Variants in SLC9A3 observed in about 807,000 individuals in gnomAD.
SLC9A3 encodes the protein solute carrier family 9 member A3, also known as sodium/hydrogen exchanger 3.
SLC9A3 carries 37 observed loss-of-function variants against 86.8 expected under a neutral mutation model. The ratio of observed to expected loss-of-function variants is 0.43; its 90% CI spans 0.33 to 0.56. SLC9A3 has a LOEUF of 0.56. Ranked by LOEUF, SLC9A3 falls within the 20% of genes least tolerant of loss-of-function variation. The pLI is 0.06. For synonymous variants in SLC9A3, 581 were observed against 528.3 expected, an observed-to-expected ratio of 1.10 and a Z score of -1.37; for missense variants, 1,011 against 1,171.9, an observed-to-expected ratio of 0.86 and a Z score of 2.00.
chr5:509,971 T>C (rs1329553817), intron 1 of SLC9A3, among the ~76,000 whole-genome samples: 1 of 152,194 alleles, frequency 6.6e-6, no homozygotes. Context: ...CTCAGCTGGC[T>C]TCCCAGGGCC....
chr5:498,550 C>A (rs887756089), intron 1 of SLC9A3, among the ~76,000 whole-genome samples: 1 of 152,172 alleles, frequency 6.6e-6, no homozygotes. Context: ...TACAGGCGTG[C>A]GCCACCATGC....
intron 6 of SLC9A3, 27 bp from the exon 7 acceptor site, chr5:482,777 C>T (rs371429578): frequency 1.5e-5 from 24 of 1,556,310 alleles, no homozygotes; most frequent in African/African-American, 9.5e-5. Context: ...GGGCACTCAG[C>T]TCCCCGGCCG....
In SLC9A3 at chr5:472,151, G is replaced by A. The variant is rs185562917; in HGVS notation, c.*1228C>T. The A allele has an allele frequency of 2.9e-5, 11 of 381,334 alleles. No homozygotes were observed. In the East Asian group the frequency reaches 7.9e-4, roughly 27 times the overall value. 23.6% of individuals were successfully genotyped at this position (381,334 alleles called of 1,614,324 possible). ...GCACCCTCCCCGGCTCAGCACCCGC[G>A]GCCTCCGCCCACTCAATGGACTGTG... is the stretch of plus-strand genomic sequence containing the variant. On this transcript the variant is annotated 3_prime_UTR_variant, in exon 17 of 17. Transcript: ENST00000264938.
At chr5:523,997 C>A in intron 1 of SLC9A3, 115 bp downstream of exon 1, 1 of 584,054 alleles carries the variant, frequency 1.7e-6, no homozygotes, top group African/African-American at 2.0e-5. Context: ...CGGACTCTCC[C>A]GGGCGGCCGC....
chr5:477,470 G>A, intron 10 of SLC9A3, 26 bp from the exon 11 acceptor site: 2 of 1,562,790 alleles, frequency 1.3e-6, no homozygotes, highest in Non-Finnish European at 1.8e-6. Flanking sequence ...AGCCCGGTCA[G>A]TGGCCTGAGC....
chr5:518,308 T>TACACTGAGACTTGGC (rs1384460744), intron 1 of SLC9A3, among the ~76,000 whole-genome samples: 63 of 152,126 alleles, frequency 4.1e-4, no homozygotes, highest in African/African-American at 1.4e-3. Flanking sequence ...CAGGACCTGG[T>TACACTGAGACTTGGC]ACCCTGAGAC....
Position 481,948 on chromosome 5 carries a change from G to A in SLC9A3, c.1446+120C>T, listed in dbSNP as rs574099761. ...TCTCCCCTCCTGGCCCAGCCCCAAGGAACACACGGTGCCCTCCGCCACCCC... is the reference window on the plus strand; with the variant it reads ...TCTCCCCTCCTGGCCCAGCCCCAAGAAACACACGGTGCCCTCCGCCACCCC... On this transcript the variant is annotated intron_variant, in intron 8 of 16. Transcript: ENST00000264938. 214 of 310,582 alleles carry A rather than the reference G, an allele frequency of 6.9e-4. 16 individuals carry two copies. The East Asian group carries it at 0.01, about 15-fold the overall frequency. 19.2% of individuals were successfully genotyped at this position (310,582 alleles called of 1,614,324 possible). A position where few individuals can be genotyped will look rare whatever the true frequency, so the allele number is the denominator to read the frequency against.
chr5:493,828 C>G (rs932268422), intron 1 of SLC9A3, among the ~76,000 whole-genome samples: 15 of 152,246 alleles, frequency 9.9e-5, no homozygotes, highest in Admixed American at 6.5e-4. Flanking sequence ...ACGGCTCCCC[C>G]ACTCCGGGCT....
chr5:476,183 C>T lies in SLC9A3; in HGVS notation c.2067+19G>A. The T allele has an allele frequency of 6.2e-7, 1 of 1,613,462 alleles. No individual in the cohort carries two copies. Among genetic ancestry groups the T allele is most frequent in the Non-Finnish European group, 8.5e-7 (1 of 1,179,752 alleles). ...TCCAGGCCCCAGCCCCGCCAAGCCT[C>T]CTGGTGACCCAGCCTTACCCGCTTC... On this transcript the variant is annotated intron_variant, in intron 13 of 16. Transcript: ENST00000264938.
chr5:476,165 C>G (rs1392560558), intron 13 of SLC9A3, 37 bp downstream of exon 13: 3 of 1,613,002 alleles, frequency 1.9e-6, no homozygotes, highest in Non-Finnish European at 2.5e-6. Context: ...CGCTCCAGGC[C>G]CCAGCCCCGC....
At chr5:508,646 A>G (rs1259144219) in intron 1 of SLC9A3, among the ~76,000 whole-genome samples, 6 of 111,576 alleles carry the variant, frequency 5.4e-5, no homozygotes, top group Admixed American at 8.8e-5. Context: ...GCGGGGAGAC[A>G]CAGCCCATAG....
At chr5:490,882 A>AG (rs1239706364) in intron 2 of SLC9A3, among the ~76,000 whole-genome samples, 1 of 152,110 alleles carries the variant, frequency 6.6e-6, no homozygotes, top group African/African-American at 2.4e-5. Context: ...GACTACAGGG[A>AG]GGGGTGAGAA....
intron 5 of SLC9A3, 48 bp downstream of exon 5, chr5:484,472 G>A: frequency 6.3e-7 from 1 of 1,584,198 alleles, no homozygotes; most frequent in Non-Finnish European, 8.6e-7. Context: ...GTGTGGAGAA[G>A]CTCGGGAGGA....
intron 1 of SLC9A3, among the ~76,000 whole-genome samples, chr5:509,035 G>T (rs1021004825): frequency 1.3e-5 from 2 of 152,030 alleles, no homozygotes; most frequent in African/African-American, 4.8e-5. Context: ...TTGAGCCTGG[G>T]AGGTGGAGGC....
Position 484,655 on chromosome 5 carries a change from AC to A in SLC9A3, c.796del (p.Val266TrpfsTer10), listed in dbSNP as rs2126621163. On this transcript the variant is annotated frameshift_variant, in exon 5 of 17. Coordinates refer to ENST00000264938, the MANE Select transcript of SLC9A3 (RefSeq NM_004174.4). LOFTEE classifies it high-confidence loss of function. Reference sequence around the variant, plus strand: ...CAGCGACAGCAGGAAGGCGAAGACCACCCCCACCAGCGTGCCCCCCAGGCTC... The same window carrying A: ...CAGCGACAGCAGGAAGGCGAAGACCACCCCACCAGCGTGCCCCCCAGGCTC... ...VVSLGGTLVG[V>X]VFAFLLSLVT... 1 of 1,612,950 alleles carries A rather than the reference AC, an allele frequency of 6.2e-7. No homozygotes were observed. The highest frequency in any genetic ancestry group is 8.5e-7 in the Non-Finnish European group (1 of 1,179,932).
chr5:522,177 G>A (rs534852052), intron 1 of SLC9A3, among the ~76,000 whole-genome samples: 1 of 152,348 alleles, frequency 6.6e-6, no homozygotes, highest in African/African-American at 2.4e-5. Context: ...CTATCAGGGT[G>A]GGCCTTTGTA....
In SLC9A3 at chr5:488,394, C is replaced by A; in HGVS notation, c.597G>T (p.Val199=). The change falls in exon 3 of 17, where the codon GTG becomes GTT. Residue 199 remains valine, a synonymous_variant. Coordinates refer to ENST00000264938, the MANE Select transcript of SLC9A3 (RefSeq NM_004174.4). The stretch of plus-strand genomic sequence containing the variant: ...CCTCGTTGACATGGACCTCCTCAAA[C>A]ACGGCCAGGACGGCCACCGGGTCCA... ...AAVDPVAVLA[V]FEEVHVNEVL... is the part of the protein sequence containing the mutation. 1.2e-6 allele frequency: 2 copies of A among 1,611,862 alleles called. No homozygotes were observed. Among genetic ancestry groups the A allele is most frequent in the African/African-American group, 2.7e-5 (2 of 75,028 alleles).
chr5:517,547 C>T (rs1180153436), intron 1 of SLC9A3, among the ~76,000 whole-genome samples: 1 of 151,886 alleles, frequency 6.6e-6, no homozygotes, highest in Non-Finnish European at 1.5e-5. Flanking sequence ...TCCACTCATC[C>T]ATCCATTCAC....
intron 10 of SLC9A3, chr5:478,865 G>A: frequency 6.5e-6 from 1 of 154,692 alleles, no homozygotes; most frequent in Middle Eastern, 5.2e-4. Flanking sequence ...GATCTGCACT[G>A]GCTGGCCCTC....
Sources: gnomAD v4.1 joint callset for allele counts (sites outside exome capture counted in the v4.1 genomes callset) on GRCh38, gnomAD v4.1.1 for gene constraint, MANE v1.5 for transcripts, NCBI Gene and HGNC (gene_info 2026-07-23, HGNC 2026-07-21) for gene names.